The following FAM193A variants were observed in gnomAD, a reference collection of about 807,000 sequenced individuals.
FAM193A encodes the protein family with sequence similarity 193 member A, also known as protein FAM193A.
Under a neutral mutation model 126.5 loss-of-function variants are expected in FAM193A, and 22 were observed. The observed-to-expected ratio is 0.17, with a 90% CI of 0.12 to 0.25. FAM193A has a LOEUF of 0.25. FAM193A is among the 10% of genes least tolerant of loss of function. The probability of loss-of-function intolerance (pLI) is 1.00; values close to 1 mark genes in which losing one functional copy is unlikely to be tolerated. For missense variants in FAM193A, 1,675 were observed against 1,672.8 expected (o/e 1.00, Z -0.02); for synonymous variants, 761 against 646.8 (o/e 1.18, Z -2.68).
intron 1 of FAM193A, among the ~76,000 whole-genome samples, chr4:2,551,011 A>G (rs1452290329): frequency 6.6e-6 from 1 of 152,054 alleles, no homozygotes; most frequent in Admixed American, 6.6e-5. Context: ...CATGTTAGCC[A>G]GGATGGTCTT....
intron 20 of FAM193A, among the ~76,000 whole-genome samples, chr4:2,727,792 G>A (rs143397278): frequency 6.6e-6 from 1 of 152,210 alleles, no homozygotes; most frequent in African/African-American, 2.4e-5. Context: ...GGTGCCAGTG[G>A]GGCAGAGGAA....
rs183623144 is a variant in FAM193A at position 2,641,853 on chromosome 4, C to T, written c.1163+1994C>T. 3.3e-5 allele frequency among the ~76,000 whole-genome samples: 5 copies of T among 152,122 alleles called. No individual in the cohort carries two copies. The East Asian group carries it at 5.8e-4, about 18-fold the overall frequency. ...ACGTGCTGGCTCATGCCTCTAGCCC[C>T]GGCTACTTGGGAGGCTGAGGCAGGA... On this transcript the variant is annotated intron_variant, in intron 6 of 20. Transcript: ENST00000637812.
intron 12 of FAM193A, among the ~76,000 whole-genome samples, chr4:2,671,712 C>T (rs750445480): frequency 3.3e-5 from 5 of 152,340 alleles, no homozygotes; most frequent in South Asian, 4.1e-4. Flanking sequence ...CCGGAAGTCG[C>T]GTCTCTGCTT....
chr4:2,552,544 TTTC>T (rs1300217258), intron 1 of FAM193A, among the ~76,000 whole-genome samples: 2 of 152,132 alleles, frequency 1.3e-5, no homozygotes, highest in Non-Finnish European at 2.9e-5. Flanking sequence ...TTTCTTTTCT[TTTC>T]TTTTTTTTTG....
At chr4:2,672,632 T>A (rs1442813777) in intron 13 of FAM193A, among the ~76,000 whole-genome samples, 2 of 152,216 alleles carry the variant, frequency 1.3e-5, no homozygotes, top group African/African-American at 4.8e-5. Flanking sequence ...GAAGGATTTT[T>A]CAGGTGCTAT....
intron 1 of FAM193A, among the ~76,000 whole-genome samples, chr4:2,542,804 A>AT (rs936021070): frequency 6.6e-6 from 1 of 152,058 alleles, no homozygotes; most frequent in Non-Finnish European, 1.5e-5. Flanking sequence ...GACTGTCTTG[A>AT]TTTTCAGGAG....
intron 2 of FAM193A, among the ~76,000 whole-genome samples, chr4:2,616,107 C>G: frequency 6.6e-6 from 1 of 152,204 alleles, no homozygotes; most frequent in Non-Finnish European, 1.5e-5. Context: ...GCCGAAACTT[C>G]TAAATGTAAC....
At chr4:2,565,754 T>A (rs942845501) in intron 1 of FAM193A, among the ~76,000 whole-genome samples, 2 of 152,196 alleles carry the variant, frequency 1.3e-5, no homozygotes, top group Non-Finnish European at 2.9e-5. Flanking sequence ...GAGACCTTTA[T>A]AGAGTAGTAC....
intron 7 of FAM193A, chr4:2,655,004 ATAGGTTT>A (rs1174114013): frequency 1.6e-6 from 1 of 612,666 alleles, no homozygotes; most frequent in Non-Finnish European, 3.0e-6. Context: ...ACAAATAATG[ATAGGTTT>A]ATCTCATCTT....
rs1355301760 is a variant in FAM193A, at chr4:2,731,759, C to G, written c.4455-16C>G. 1 of 1,606,522 alleles carries G rather than the reference C, an allele frequency of 6.2e-7. No individual in the cohort carries two copies. Among genetic ancestry groups the G allele is most frequent in the East Asian group, 2.2e-5 (1 of 44,836 alleles). ...GCTGTTTCCTTCAGTGACTGTTTGGCTTTTTGTCTTTGCAGGTTCTGCTTG... is the reference window on the plus strand; with the variant it reads ...GCTGTTTCCTTCAGTGACTGTTTGGGTTTTTGTCTTTGCAGGTTCTGCTTG... On this transcript the variant is annotated splice_polypyrimidine_tract_variant and intron_variant, in intron 20 of 20. Coordinates refer to ENST00000637812, the MANE Select transcript of FAM193A (RefSeq NM_001366318.2).
intron 19 of FAM193A, among the ~76,000 whole-genome samples, chr4:2,708,484 TG>T (rs1456097918): frequency 6.6e-6 from 1 of 151,802 alleles, no homozygotes; most frequent in African/African-American, 2.4e-5. Flanking sequence ...TTTTTTGAGA[TG>T]GAGTTTCATT....
chr4:2,546,829 G>C (rs923087689), intron 1 of FAM193A, among the ~76,000 whole-genome samples: 1 of 152,192 alleles, frequency 6.6e-6, no homozygotes, highest in Non-Finnish European at 1.5e-5. Context: ...TGAAACCGCT[G>C]AACTGTTATC....
chr4:2,630,574 T>G lies in FAM193A; in HGVS notation c.804-361T>G, dbSNP rs112740614. 4.3e-3 allele frequency among the ~76,000 whole-genome samples: 652 copies of G among 152,332 alleles called. 3 individuals are homozygous for G. Among genetic ancestry groups the G allele is most frequent in the Non-Finnish European group, 7.8e-3 (533 of 68,030 alleles). On this transcript the variant is annotated intron_variant, in intron 4 of 20. Coordinates refer to ENST00000637812, the MANE Select transcript of FAM193A (RefSeq NM_001366318.2). ...GGCCAGCTGCTGAGAAGTGGTAGCGTGCTCTTCCAGCTGTGTGAGTTTACG... is the reference window on the plus strand; with the variant it reads ...GGCCAGCTGCTGAGAAGTGGTAGCGGGCTCTTCCAGCTGTGTGAGTTTACG...
At chr4:2,721,355 G>A (rs570137310) in intron 20 of FAM193A, among the ~76,000 whole-genome samples, 43 of 148,072 alleles carry the variant, frequency 2.9e-4, no homozygotes, top group South Asian at 8.5e-4. Flanking sequence ...AGGCATGGTG[G>A]TACATGCCTG....
intron 4 of FAM193A, among the ~76,000 whole-genome samples, chr4:2,628,770 A>G (rs1357330354): frequency 6.6e-6 from 1 of 152,104 alleles, no homozygotes; most frequent in Admixed American, 6.5e-5. Flanking sequence ...GCCAGTGTGT[A>G]GTTGATGTGC....
chr4:2,669,434 C>G (rs1335922160), intron 12 of FAM193A, among the ~76,000 whole-genome samples: 1 of 151,984 alleles, frequency 6.6e-6, no homozygotes, highest in African/African-American at 2.4e-5. Flanking sequence ...CGTGGTGAAA[C>G]CCCATCTCTT....
At chr4:2,726,756 A>G (rs540556103) in intron 20 of FAM193A, among the ~76,000 whole-genome samples, 2 of 120,610 alleles carry the variant, frequency 1.7e-5, no homozygotes, top group South Asian at 6.2e-4. Flanking sequence ...ACATGGTGAA[A>G]CCCCACCTTT....
rs190325301 is a variant in FAM193A at position 2,590,895 on chromosome 4, C to T, written c.256-5189C>T. On this transcript the variant is annotated intron_variant, in intron 1 of 20. Coordinates refer to ENST00000637812, the MANE Select transcript of FAM193A (RefSeq NM_001366318.2). ...ACAAAAAATTAACCAGGCGTGGTGG[C>T]GCGCGCCTGTAATCCCAGCTACTTG... Among the ~76,000 whole-genome samples the T allele has an allele frequency of 3.3e-3, 508 of 151,868 alleles. 3 individuals are homozygous for T. Among genetic ancestry groups the T allele is most frequent in the African/African-American group, 0.01 (431 of 41,398 alleles).
intron 16 of FAM193A, among the ~76,000 whole-genome samples, chr4:2,694,384 C>T (rs1716792643): frequency 6.6e-6 from 1 of 151,996 alleles, no homozygotes; most frequent in Non-Finnish European, 1.5e-5. Flanking sequence ...ATTCTTCTGC[C>T]TCAGCCTCCC....
Sources: allele counts gnomAD v4.1 joint callset (sites outside exome capture counted in the v4.1 genomes callset), GRCh38; gene constraint gnomAD v4.1.1; transcripts MANE v1.5; gene names NCBI Gene and HGNC (gene_info 2026-07-23, HGNC 2026-07-21).